The following EPHB1 variants were observed in gnomAD, a reference collection of about 807,000 sequenced individuals.
The protein encoded by EPHB1 is EPH receptor B1.
A neutral mutation model predicts 94.4 loss-of-function variants in EPHB1; 30 were observed. The observed-to-expected ratio is 0.32, with a 90% CI of 0.24 to 0.43. The LOEUF is 0.43. EPHB1 is among the 20% of genes least tolerant of loss of function. EPHB1 has a pLI of 1.00. For synonymous variants in EPHB1, 522 were observed against 489.1 expected (o/e 1.07, Z -0.89); for missense variants, 1,055 against 1,308.3 (o/e 0.81, Z 2.99).
intron 3 of EPHB1, among the ~76,000 whole-genome samples, chr3:135,048,754 A>G (rs1240292765): frequency 6.6e-6 from 1 of 152,236 alleles, no homozygotes; most frequent in Non-Finnish European, 1.5e-5. Context: ...ACTAGGGCTG[A>G]GTGGACTTTG....
Position 134,951,822 on chromosome 3 carries a change from T to C in EPHB1, c.575T>C (p.Phe192Ser), listed in dbSNP as rs1180432163. 1 of 1,613,930 alleles carries C rather than the reference T, an allele frequency of 6.2e-7. No homozygotes were observed. Residue 192 changes from phenylalanine to serine, a missense_variant, in exon 3 of 16, where the codon TTC becomes TCC. Coordinates refer to ENST00000398015, the MANE Select transcript of EPHB1 (RefSeq NM_004441.5). This position sits in a 1 kb window ranked among gnomAD's most constrained non-coding sequence, Gnocchi z 4.5. The stretch of plus-strand genomic sequence containing the variant: ...ATGTCTCTTCTTTCTGTCCGTGTCT[T>C]CTTCAAAAAGTGTCCCAGCATTGTG... ...ACMSLLSVRV[F>S]FKKCPSIVQN...
At chr3:135,192,129 A>G (rs1420861073) in intron 10 of EPHB1, among the ~76,000 whole-genome samples, 1 of 152,238 alleles carries the variant, frequency 6.6e-6, no homozygotes, top group Non-Finnish European at 1.5e-5. Flanking sequence ...GTGTAGGAAC[A>G]TAAACAGTAT....
At chr3:135,063,766 C>G (rs1351940054) in intron 3 of EPHB1, among the ~76,000 whole-genome samples, 2 of 152,098 alleles carry the variant, frequency 1.3e-5, no homozygotes. Flanking sequence ...TTGTCTTGTT[C>G]CAGTTCTCAG....
intron 10 of EPHB1, among the ~76,000 whole-genome samples, chr3:135,188,159 A>G (rs1335838106): frequency 1.3e-5 from 2 of 151,224 alleles, no homozygotes; most frequent in African/African-American, 4.9e-5. Flanking sequence ...AGATCACATC[A>G]CTGTACTACA....
At chr3:135,101,243 A>T (rs1031282266) in intron 3 of EPHB1, among the ~76,000 whole-genome samples, 1 of 152,178 alleles carries the variant, frequency 6.6e-6, no homozygotes, top group Non-Finnish European at 1.5e-5. Flanking sequence ...TGGGCACTTT[A>T]TGACCTAATT....
intron 12 of EPHB1, among the ~76,000 whole-genome samples, chr3:135,208,721 A>C (rs374535275): frequency 6.6e-6 from 1 of 152,234 alleles, no homozygotes; most frequent in East Asian, 1.9e-4. Flanking sequence ...CTGTGGAATC[A>C]AAATTGGAGG....
At chr3:134,966,711 C>T (rs1933761206) in intron 3 of EPHB1, among the ~76,000 whole-genome samples, 1 of 152,260 alleles carries the variant, frequency 6.6e-6, no homozygotes, top group African/African-American at 2.4e-5. Flanking sequence ...CAAGTCAAGA[C>T]TTTCTTTCAG....
chr3:134,878,058 C>G (rs1347279802), intron 1 of EPHB1, among the ~76,000 whole-genome samples: 1 of 152,230 alleles, frequency 6.6e-6, no homozygotes, highest in Admixed American at 6.5e-5. Flanking sequence ...ATTACCCCAG[C>G]CTTCCCCCGG....
intron 15 of EPHB1, among the ~76,000 whole-genome samples, chr3:135,255,976 CCTTCTTTGT>C (rs1933366426): frequency 6.7e-6 from 1 of 149,270 alleles, no homozygotes; most frequent in Non-Finnish European, 1.5e-5. Flanking sequence ...TATGTAATGG[CCTTCTTTGT>C]CTCTTTTGAT....
chr3:134,973,213 G>T (rs1045382024), intron 3 of EPHB1, among the ~76,000 whole-genome samples: 12 of 152,150 alleles, frequency 7.9e-5, no homozygotes, highest in African/African-American at 2.9e-4. Context: ...CACAACAACA[G>T]GATTGCTTTC....
chr3:135,226,649 T>G (rs949047441), intron 12 of EPHB1, among the ~76,000 whole-genome samples: 2 of 152,120 alleles, frequency 1.3e-5, no homozygotes, highest in African/African-American at 4.8e-5. Flanking sequence ...TTCAAAACCT[T>G]CTACTTTCTT....
chr3:135,117,386 C>T (rs577075524), intron 4 of EPHB1, among the ~76,000 whole-genome samples: 1 of 152,328 alleles, frequency 6.6e-6, no homozygotes, highest in South Asian at 2.1e-4. Context: ...CACCTGAGAA[C>T]TGCTATGATA....
intron 3 of EPHB1, among the ~76,000 whole-genome samples, chr3:135,024,536 C>G (rs1451958409): frequency 6.6e-6 from 1 of 152,328 alleles, no homozygotes; most frequent in East Asian, 1.9e-4. Context: ...CAGAGCAGAG[C>G]ACGTGTCTGG....
chr3:134,943,126 A>G (rs2039151792), intron 2 of EPHB1, among the ~76,000 whole-genome samples: 1 of 152,198 alleles, frequency 6.6e-6, no homozygotes, highest in Non-Finnish European at 1.5e-5. Flanking sequence ...TGGGCCTGGT[A>G]TTGAATGTCT....
intron 1 of EPHB1, among the ~76,000 whole-genome samples, chr3:134,801,084 G>A (rs2035925686): frequency 6.6e-6 from 1 of 152,142 alleles, no homozygotes; most frequent in African/African-American, 2.4e-5. Flanking sequence ...ATTGGGCATT[G>A]GAGACTTCAT....
chr3:135,126,205 C>G (rs1485807028), intron 4 of EPHB1, among the ~76,000 whole-genome samples: 7 of 152,152 alleles, frequency 4.6e-5, no homozygotes, highest in Non-Finnish European at 8.8e-5. Context: ...CAATATTGAA[C>G]TTCATATTGA....
chr3:135,067,099 G>T (rs2107779821), intron 3 of EPHB1, among the ~76,000 whole-genome samples: 1 of 152,308 alleles, frequency 6.6e-6, no homozygotes, highest in Non-Finnish European at 1.5e-5. Context: ...GGTGGCAGGG[G>T]GGTGAAATGG....
intron 1 of EPHB1, among the ~76,000 whole-genome samples, chr3:134,905,321 A>AGAGAAAC (rs1392854313): frequency 1.3e-5 from 2 of 152,186 alleles, no homozygotes; most frequent in Non-Finnish European, 2.9e-5. Flanking sequence ...GAGTTTCCAC[A>AGAGAAAC]TGCTGCTGGC....
At chr3:135,237,361 T>G (rs1020255038) in intron 12 of EPHB1, among the ~76,000 whole-genome samples, 2 of 152,040 alleles carry the variant, frequency 1.3e-5, no homozygotes, top group Non-Finnish European at 2.9e-5. Flanking sequence ...TAAGACATAA[T>G]TTTTCTGAAG....
Sources: gnomAD v4.1 joint callset for allele counts (sites outside exome capture counted in the v4.1 genomes callset) on GRCh38, gnomAD v4.1.1 for gene constraint, Gnocchi (gnomAD v3.1) non-coding constraint, MANE v1.5 for transcripts, NCBI Gene and HGNC (gene_info 2026-07-23, HGNC 2026-07-21) for gene names.